The following CAMK1D variants were observed in gnomAD, a reference collection of about 807,000 sequenced individuals.
The protein encoded by CAMK1D is calcium/calmodulin dependent protein kinase ID.
Under a neutral mutation model 47.7 loss-of-function variants are expected in CAMK1D, and 9 were observed. The observed-to-expected ratio is 0.19, with a 90% CI of 0.11 to 0.33. The LOEUF (loss-of-function observed/expected upper bound fraction) is 0.33. Ranked by LOEUF, CAMK1D falls within the 10% of genes least tolerant of loss-of-function variation. CAMK1D has a pLI of 1.00. For missense variants in CAMK1D, 291 were observed against 488.7 expected, an observed-to-expected ratio of 0.60 and a Z score of 3.81; for synonymous variants, 184 against 184.9, an observed-to-expected ratio of 0.99 and a Z score of 0.04.
Position 12,831,687 on chromosome 10 carries a change from G to C in CAMK1D, c.*2800G>C, listed in dbSNP as rs1053429699. ...ACATCGTGCGAGGAGACAGTGACTG[G>C]TTTCAGCCCAAGAGTCAACTGTTGA... On this transcript the variant is annotated 3_prime_UTR_variant, in exon 11 of 11. Coordinates refer to ENST00000619168, the MANE Select transcript of CAMK1D (RefSeq NM_153498.4). 1.3e-5 allele frequency: 2 copies of C among 152,224 alleles called. No individual in the cohort carries two copies. Among genetic ancestry groups the C allele is most frequent in the Non-Finnish European group, 2.9e-5 (2 of 68,056 alleles). The allele number at this position is 152,224 out of a possible 1,614,324, so 9.4% of individuals were successfully genotyped here. A position where few individuals can be genotyped will look rare whatever the true frequency, so the allele number is the denominator to read the frequency against.
At chr10:12,732,410 T>C (rs769719896) in intron 3 of CAMK1D, among the ~76,000 whole-genome samples, 1 of 152,090 alleles carries the variant, frequency 6.6e-6, no homozygotes, top group Non-Finnish European at 1.5e-5. Flanking sequence ...GTATTATTAG[T>C]CCATTTTCAC....
At chr10:12,680,627 A>G (rs1237121315) in intron 3 of CAMK1D, among the ~76,000 whole-genome samples, 1 of 152,168 alleles carries the variant, frequency 6.6e-6, no homozygotes, top group Non-Finnish European at 1.5e-5. Context: ...CTGGCGTGGC[A>G]GCCCCAATGA....
intron 1 of CAMK1D, among the ~76,000 whole-genome samples, chr10:12,512,271 G>A (rs1385540033): frequency 3.9e-5 from 6 of 152,288 alleles, no homozygotes; most frequent in African/African-American, 2.4e-5. Context: ...TACACAGGAC[G>A]TGGACTTTTA....
At chr10:12,549,663 T>C (rs1836514388) in intron 1 of CAMK1D, among the ~76,000 whole-genome samples, 1 of 152,218 alleles carries the variant, frequency 6.6e-6, no homozygotes, top group South Asian at 2.1e-4. Flanking sequence ...TCCTTGGTCA[T>C]GTTGTGTCAA....
At chr10:12,721,451 T>C in intron 3 of CAMK1D, among the ~76,000 whole-genome samples, 1 of 152,198 alleles carries the variant, frequency 6.6e-6, no homozygotes, top group East Asian at 1.9e-4. Context: ...AAATCTGGGA[T>C]CCATGGTATT....
At chr10:12,470,401 G>A (rs1374305505) in intron 1 of CAMK1D, among the ~76,000 whole-genome samples, 1 of 152,122 alleles carries the variant, frequency 6.6e-6, no homozygotes, top group Non-Finnish European at 1.5e-5. Flanking sequence ...CTTTTGTATT[G>A]TGTGTTGTTT....
At chr10:12,813,306 G>A (rs1726480646) in intron 6 of CAMK1D, among the ~76,000 whole-genome samples, 1 of 152,190 alleles carries the variant, frequency 6.6e-6, no homozygotes, top group South Asian at 2.1e-4. Context: ...CTGATGTGCA[G>A]GTTATGTGCG....
intron 2 of CAMK1D, among the ~76,000 whole-genome samples, chr10:12,657,325 T>C (rs190200505): frequency 0.02 from 2,998 of 152,162 alleles, 103 homozygotes; most frequent in African/African-American, 0.069. Context: ...CTCGGGAGGC[T>C]GAGGCAGGAG....
rs1272144850 is a variant in CAMK1D, at chr10:12,427,362, G to A, written c.92+77452G>A. Among the ~76,000 whole-genome samples the A allele has an allele frequency of 1.6e-4, 24 of 152,270 alleles. No individual in the cohort carries two copies. In the East Asian group the frequency reaches 4.2e-3, roughly 27 times the overall value. On this transcript the variant is annotated intron_variant, in intron 1 of 10. Coordinates refer to ENST00000619168, the MANE Select transcript of CAMK1D (RefSeq NM_153498.4). ...GGCTGCCCAGAGGGAAGTGGGGTGC[G>A]GGGACAGCAGAGTCCCAAAGCATGG...
intron 3 of CAMK1D, among the ~76,000 whole-genome samples, chr10:12,699,096 G>C (rs111677208): frequency 0.014 from 2,168 of 152,218 alleles, 43 homozygotes; most frequent in African/African-American, 0.049. Context: ...TGTGATGAGA[G>C]GAATGAGCAG....
chr10:12,439,404 A>AT (rs113416908), intron 1 of CAMK1D, among the ~76,000 whole-genome samples: 8 of 151,868 alleles, frequency 5.3e-5, no homozygotes, highest in African/African-American at 1.5e-4. Context: ...ATGTCCCTTT[A>AT]TTTTTTTCAG....
At chr10:12,741,324 C>T (rs1006050248) in intron 3 of CAMK1D, among the ~76,000 whole-genome samples, 1 of 152,158 alleles carries the variant, frequency 6.6e-6, no homozygotes, top group African/African-American at 2.4e-5. Flanking sequence ...CCGGGTTAGA[C>T]CTAAGTTCAG....
chr10:12,431,216 G>A (rs1325258603), intron 1 of CAMK1D, among the ~76,000 whole-genome samples: 1 of 152,230 alleles, frequency 6.6e-6, no homozygotes, highest in Non-Finnish European at 1.5e-5. Context: ...AAACCAAAAT[G>A]TGAAAGGCAG....
intron 2 of CAMK1D, among the ~76,000 whole-genome samples, chr10:12,615,926 ATGTG>A (rs751916210): frequency 6.7e-6 from 1 of 149,268 alleles, no homozygotes; most frequent in African/African-American, 2.5e-5. Flanking sequence ...AGGTGTGTGT[ATGTG>A]TGTTTGCAAG....
chr10:12,561,981 G>A (rs1836958778), intron 2 of CAMK1D, among the ~76,000 whole-genome samples: 1 of 152,246 alleles, frequency 6.6e-6, no homozygotes, highest in South Asian at 2.1e-4. Flanking sequence ...CCTGCCTAGG[G>A]TTTCTGCTTC....
At chr10:12,639,712 T>C (rs1839616097) in intron 2 of CAMK1D, among the ~76,000 whole-genome samples, 2 of 152,226 alleles carry the variant, frequency 1.3e-5, no homozygotes, top group South Asian at 4.1e-4. Flanking sequence ...GTCTTTTATT[T>C]GTTTAGTGAT....
intron 1 of CAMK1D, among the ~76,000 whole-genome samples, chr10:12,547,000 A>G (rs1440702228): frequency 2.0e-5 from 3 of 152,206 alleles, no homozygotes; most frequent in African/African-American, 7.2e-5. Flanking sequence ...GAGGCCATCA[A>G]AGGACCAGAA....
At chr10:12,599,886 A>G (rs1838251650) in intron 2 of CAMK1D, among the ~76,000 whole-genome samples, 1 of 152,258 alleles carries the variant, frequency 6.6e-6, no homozygotes, top group Admixed American at 6.5e-5. Flanking sequence ...AGGCAAACAA[A>G]CAAACAAATA....
At chr10:12,579,224 G>T (rs538610163) in intron 2 of CAMK1D, among the ~76,000 whole-genome samples, 1 of 152,178 alleles carries the variant, frequency 6.6e-6, no homozygotes, top group Non-Finnish European at 1.5e-5. Context: ...GATGAGGGGA[G>T]CATTCCTCTT....
Sources: allele counts gnomAD v4.1 joint callset (sites outside exome capture counted in the v4.1 genomes callset), GRCh38; gene constraint gnomAD v4.1.1; transcripts MANE v1.5; gene names NCBI Gene and HGNC (gene_info 2026-07-23, HGNC 2026-07-21).